The following N4BP1 variants were observed in gnomAD, a reference collection of about 807,000 sequenced individuals.
The protein encoded by N4BP1 is NEDD4-binding protein 1.
Under a neutral mutation model 70.9 loss-of-function variants are expected in N4BP1, and 21 were observed. That is an observed-to-expected ratio of 0.30 (90% confidence interval 0.21 to 0.43). The LOEUF is 0.43. N4BP1 is among the 20% of genes least tolerant of loss of function. The probability of loss-of-function intolerance (pLI) is 1.00; values close to 1 mark genes in which losing one functional copy is unlikely to be tolerated. For synonymous variants in N4BP1, 387 were observed against 394.6 expected (o/e 0.98, Z 0.23); for missense variants, 936 against 1,069.4 (o/e 0.88, Z 1.74).
chr16:48,588,212 C>T (rs773656619), intron 1 of N4BP1, among the ~76,000 whole-genome samples: 4 of 150,636 alleles, frequency 2.7e-5, no homozygotes, highest in African/African-American at 7.3e-5. Context: ...TAGAAGGGGA[C>T]GCAATGAACA....
At chr16:48,566,356 A>C (rs1323188585) in intron 1 of N4BP1, among the ~76,000 whole-genome samples, 1 of 152,010 alleles carries the variant, frequency 6.6e-6, no homozygotes, top group African/African-American at 2.4e-5. Flanking sequence ...CTTCTTTTCT[A>C]ATGTAAGCAT....
chr16:48,605,118 C>G (rs1418538007), intron 1 of N4BP1, among the ~76,000 whole-genome samples: 1 of 152,040 alleles, frequency 6.6e-6, no homozygotes, highest in East Asian at 1.9e-4. Context: ...CCGCAACCTC[C>G]GCTTCCCTGG....
At chr16:48,585,322 T>C (rs1964228353) in intron 1 of N4BP1, among the ~76,000 whole-genome samples, 1 of 151,968 alleles carries the variant, frequency 6.6e-6, no homozygotes, top group Non-Finnish European at 1.5e-5. Context: ...ATATTACTCA[T>C]ATATATTTAT....
At chr16:48,551,886 C>T (rs1314214841) in intron 3 of N4BP1, among the ~76,000 whole-genome samples, 4 of 152,136 alleles carry the variant, frequency 2.6e-5, no homozygotes, top group Middle Eastern at 3.4e-3. Context: ...GGTGTGGTGG[C>T]GCGTGCCTGT....
chr16:48,560,531 C>A, intron 2 of N4BP1: 2 of 509,186 alleles, frequency 3.9e-6, no homozygotes, highest in South Asian at 3.1e-5. Flanking sequence ...CTCTCTTGCC[C>A]TTAGAAATTA....
intron 1 of N4BP1, among the ~76,000 whole-genome samples, chr16:48,564,585 T>C (rs190281492): frequency 1.3e-5 from 2 of 152,294 alleles, no homozygotes; most frequent in Admixed American, 1.3e-4. Context: ...TTTCTTAAAA[T>C]TGGGTAATGA....
intron 1 of N4BP1, among the ~76,000 whole-genome samples, chr16:48,580,826 A>G (rs1964165542): frequency 6.6e-6 from 1 of 152,206 alleles, no homozygotes; most frequent in Admixed American, 6.5e-5. Flanking sequence ...AGAATACAAT[A>G]TAACTATTTA....
chr16:48,562,358 C>T lies in N4BP1; in HGVS notation c.285G>A (p.Glu95=). 1 of 1,613,852 alleles carries T rather than the reference C, an allele frequency of 6.2e-7. No individual in the cohort carries two copies. Among genetic ancestry groups the T allele is most frequent in the Non-Finnish European group, 8.5e-7 (1 of 1,179,828 alleles). ...KDMHCIFVGA[E]SLFLKSLIQD... ...GAATCAAGCTTTTCAGAAACAGGCT[C>T]TCTGCCCCAACAAAAATGCAGTGCA... The change falls in exon 2 of 7, where the codon GAG becomes GAA. Residue 95 remains glutamate (E), a synonymous_variant. Coordinates refer to ENST00000262384, the MANE Select transcript of N4BP1 (RefSeq NM_153029.4).
At chr16:48,570,806 A>G (rs530939738) in intron 1 of N4BP1, among the ~76,000 whole-genome samples, 1 of 151,930 alleles carries the variant, frequency 6.6e-6, no homozygotes, top group East Asian at 1.9e-4. Flanking sequence ...TTAAATTGAT[A>G]TAATATTCAG....
intron 1 of N4BP1, among the ~76,000 whole-genome samples, chr16:48,593,095 C>A (rs377703710): frequency 6.6e-6 from 1 of 152,002 alleles, no homozygotes; most frequent in East Asian, 1.9e-4. Flanking sequence ...TCATAAACTG[C>A]CACTATGACT....
chr16:48,569,112 T>C (rs1332056812), intron 1 of N4BP1, among the ~76,000 whole-genome samples: 1 of 152,264 alleles, frequency 6.6e-6, no homozygotes, highest in African/African-American at 2.4e-5. Flanking sequence ...TTTCAGTCTT[T>C]TGTCAAATAA....
chr16:48,590,262 T>C (rs982167187), intron 1 of N4BP1, among the ~76,000 whole-genome samples: 2 of 152,064 alleles, frequency 1.3e-5, no homozygotes, highest in Non-Finnish European at 2.9e-5. Context: ...CATGATTCCA[T>C]CTCCAACCTG....
intron 1 of N4BP1, among the ~76,000 whole-genome samples, chr16:48,604,363 C>A (rs114759019): frequency 1.3e-5 from 2 of 151,990 alleles, no homozygotes; most frequent in African/African-American, 2.4e-5. Context: ...TTAGCCAGGG[C>A]AGCATAGTGA....
Position 48,561,265 on chromosome 16 carries a change from T to C in N4BP1, c.1378A>G (p.Ile460Val). 1 of 1,613,992 alleles carries C rather than the reference T, an allele frequency of 6.2e-7. No homozygotes were observed. Among genetic ancestry groups the C allele is most frequent in the Non-Finnish European group, 8.5e-7 (1 of 1,179,874 alleles). Residue 460 changes from isoleucine (I) to valine (V), a missense_variant, in exon 2 of 7, where the codon ATT becomes GTT. Ile to Val is a conservative substitution (Grantham distance 29, BLOSUM62 3). This residue lies in a region of N4BP1 where 515 missense variants were observed against 491.7 expected (regional missense o/e 1.05). Coordinates refer to ENST00000262384, the MANE Select transcript of N4BP1 (RefSeq NM_153029.4). Reference sequence around the variant, plus strand: ...ATTGGCACTGTTCTGAAAGTATTAATTCTACAATTTGAGGTACATGGTTTA... The same window carrying C: ...ATTGGCACTGTTCTGAAAGTATTAACTCTACAATTTGAGGTACATGGTTTA... ...EAKPCTSNCRINTFRTVPIEQ... is the reference protein window; with the variant it reads ...EAKPCTSNCRVNTFRTVPIEQ...
Position 48,541,726 on chromosome 16 carries a change from A to G in N4BP1, c.*1178T>C, listed in dbSNP as rs1307584690. The G allele has an allele frequency of 6.6e-6, 1 of 152,644 alleles. No individual in the cohort carries two copies. Among genetic ancestry groups the G allele is most frequent in the Non-Finnish European group, 1.5e-5 (1 of 68,056 alleles). 9.5% of individuals were successfully genotyped at this position (152,644 alleles called of 1,614,324 possible). ...TAAAGATGTTAAGATTGCCCAGGAA[A>G]AGAACTTCACTGACACTGAATTTGG... On this transcript the variant is annotated 3_prime_UTR_variant, in exon 7 of 7. Coordinates refer to ENST00000262384, the MANE Select transcript of N4BP1 (RefSeq NM_153029.4).
intron 1 of N4BP1, among the ~76,000 whole-genome samples, chr16:48,581,550 G>A (rs1039781777): frequency 6.6e-6 from 1 of 152,106 alleles, no homozygotes; most frequent in Non-Finnish European, 1.5e-5. Context: ...CCATAAAGTT[G>A]CAGAATACAA....
chr16:48,572,350 GCAGGGTGGGAA>G (rs1397710198), intron 1 of N4BP1, among the ~76,000 whole-genome samples: 1 of 152,160 alleles, frequency 6.6e-6, no homozygotes, highest in Non-Finnish European at 1.5e-5. Flanking sequence ...AATCCTGGGA[GCAGGGTGGGAA>G]CAGGACATAC....
intron 1 of N4BP1, among the ~76,000 whole-genome samples, chr16:48,572,776 A>G (rs1964037276): frequency 6.6e-6 from 1 of 152,170 alleles, no homozygotes; most frequent in Non-Finnish European, 1.5e-5. Flanking sequence ...AAATACTTAT[A>G]AAGTATTAAG....
intron 1 of N4BP1, among the ~76,000 whole-genome samples, chr16:48,596,114 A>T (rs2151100717): frequency 6.6e-6 from 1 of 152,322 alleles, no homozygotes; most frequent in Admixed American, 6.5e-5. Flanking sequence ...TCCTATCATG[A>T]TTTGTTTTTA....
Sources: gnomAD v4.1 joint callset for allele counts (sites outside exome capture counted in the v4.1 genomes callset) on GRCh38, gnomAD v4.1.1 for gene constraint, gnomAD v4.1.1 regional missense constraint, MANE v1.5 for transcripts, NCBI Gene and HGNC (gene_info 2026-07-23, HGNC 2026-07-21) for gene names.